CPAP: variants seen among roughly 807,000 people sequenced by gnomAD.
The protein encoded by CPAP is centrosome assembly and centriole elongation protein.
chr13:24,928,322 T>C, the CPAP span, among the ~76,000 whole-genome samples: 1 of 152,184 alleles, frequency 6.6e-6, no homozygotes, highest in African/African-American at 2.4e-5. Flanking sequence ...GATGCATGTG[T>C]CTGGCCTCTA....
the CPAP span, among the ~76,000 whole-genome samples, chr13:24,900,055 A>G: frequency 1.3e-5 from 2 of 151,684 alleles, no homozygotes; most frequent in Non-Finnish European, 3.0e-5. Context: ...TATTAGAAGC[A>G]TTAAAGAGAA....
chr13:24,931,753 T>G, the CPAP span, among the ~76,000 whole-genome samples: 1 of 152,238 alleles, frequency 6.6e-6, no homozygotes, highest in African/African-American at 2.4e-5. Flanking sequence ...TCAGGAAGTC[T>G]TAAAGTAAAT....
chr13:24,927,268 A>G, the CPAP span, among the ~76,000 whole-genome samples: 1 of 152,124 alleles, frequency 6.6e-6, no homozygotes, highest in Non-Finnish European at 1.5e-5. Flanking sequence ...TACCCCTGAC[A>G]TGGCTGTCTC....
At chr13:24,884,383 C>T in the CPAP span, 1 of 1,614,078 alleles carries the variant, frequency 6.2e-7, no homozygotes, top group Non-Finnish European at 8.5e-7. Context: ...CAGTGATGGT[C>T]TTCCCATCTG....
At chr13:24,903,797 A>G in the CPAP span, 1 of 1,072,856 alleles carries the variant, frequency 9.3e-7, no homozygotes, top group Non-Finnish European at 1.4e-6. Context: ...CTTATATGAT[A>G]CAGATTTCAC....
chr13:24,907,199 T>C, the CPAP span: 1 of 1,591,500 alleles, frequency 6.3e-7, no homozygotes, highest in African/African-American at 1.3e-5. Flanking sequence ...TGGGCCTAAT[T>C]AGAAACAGAA....
chr13:24,888,588 T>C, the CPAP span, among the ~76,000 whole-genome samples: 1 of 152,094 alleles, frequency 6.6e-6, no homozygotes, highest in Non-Finnish European at 1.5e-5. Flanking sequence ...TAAAAAAAAC[T>C]GGTACAACCA....
At chr13:24,899,030 G>A in the CPAP span, among the ~76,000 whole-genome samples, 1 of 152,144 alleles carries the variant, frequency 6.6e-6, no homozygotes, top group Admixed American at 6.5e-5. Context: ...CAGTTTATAA[G>A]TTTTAGAATT....
the CPAP span, chr13:24,884,111 T>C: frequency 6.2e-7 from 1 of 1,603,674 alleles, no homozygotes; most frequent in Non-Finnish European, 8.5e-7. Flanking sequence ...ACAGTAAATA[T>C]TTTTTGAAGG....
the CPAP span, among the ~76,000 whole-genome samples, chr13:24,893,973 T>TA: frequency 1.3e-5 from 2 of 149,800 alleles, no homozygotes; most frequent in South Asian, 2.2e-4. Flanking sequence ...CCAGGGCAGG[T>TA]AAGGTGGCGG....
At chr13:24,895,016 C>G in the CPAP span, among the ~76,000 whole-genome samples, 13 of 152,184 alleles carry the variant, frequency 8.5e-5, no homozygotes, top group African/African-American at 3.1e-4. Flanking sequence ...CAGCGCAGCG[C>G]GAAAGCTCAG....
chr13:24,905,677 AC>A, the CPAP span: 1 of 1,614,126 alleles, frequency 6.2e-7, no homozygotes, highest in Non-Finnish European at 8.5e-7. Context: ...TTTTACTCAG[AC>A]TTAGGGATGA....
chr13:24,885,038 AAAGG>A, the CPAP span, among the ~76,000 whole-genome samples: 2 of 152,256 alleles, frequency 1.3e-5, no homozygotes, highest in Non-Finnish European at 2.9e-5. Flanking sequence ...AGGCTGCAAG[AAAGG>A]AAGACCTAGA....
chr13:24,903,792 A>T, the CPAP span: 1 of 1,027,906 alleles, frequency 9.7e-7, no homozygotes, highest in East Asian at 2.4e-5. Flanking sequence ...AAAAACTTAT[A>T]TGATACAGAT....
chr13:24,902,434 A>G, the CPAP span, among the ~76,000 whole-genome samples: 5 of 152,346 alleles, frequency 3.3e-5, no homozygotes, highest in South Asian at 8.3e-4. Flanking sequence ...CATTTACAGT[A>G]TGTATCAGCT....
chr13:24,911,014 G>C, the CPAP span, among the ~76,000 whole-genome samples: 1 of 152,104 alleles, frequency 6.6e-6, no homozygotes, highest in African/African-American at 2.4e-5. Flanking sequence ...GAGCAGAACA[G>C]GTGCTTTCCT....
chr13:24,884,137 TGAGAGGGTG>T, the CPAP span: 1 of 1,613,660 alleles, frequency 6.2e-7, no homozygotes. Flanking sequence ...AAGAATTTAA[TGAGAGGGTG>T]GAGCAAGTTT....
At chr13:24,931,884 G>A in the CPAP span, among the ~76,000 whole-genome samples, 4 of 152,216 alleles carry the variant, frequency 2.6e-5, no homozygotes, top group East Asian at 5.8e-4. Context: ...TCCCAAAGCC[G>A]AGCTTTGGAT....
At chr13:24,904,244 G>A in the CPAP span, among the ~76,000 whole-genome samples, 1 of 152,116 alleles carries the variant, frequency 6.6e-6, no homozygotes, top group Non-Finnish European at 1.5e-5. Context: ...GAAATCAGTG[G>A]GAATTTATGG....
Sources: allele counts gnomAD v4.1 joint callset (sites outside exome capture counted in the v4.1 genomes callset), GRCh38; gene constraint gnomAD v4.1.1; transcripts MANE v1.5; gene names NCBI Gene and HGNC (gene_info 2026-07-23, HGNC 2026-07-21).